Variants in SOX30 observed in about 807,000 individuals in gnomAD.
The protein encoded by SOX30 is SRY-box transcription factor 30.
In SOX30, 17 loss-of-function variants were observed where a neutral mutation model predicts 58.6. That is an observed-to-expected ratio of 0.29 (90% confidence interval 0.20 to 0.44). The LOEUF (loss-of-function observed/expected upper bound fraction) is 0.44. Among genes scored for constraint, SOX30 ranks in the 20% least tolerant of loss-of-function variants. SOX30 has a pLI of 1.00. For synonymous variants in SOX30, 421 were observed against 400.2 expected (o/e 1.05, Z -0.62); for missense variants, 951 against 965.8 (o/e 0.98, Z 0.20).
chr5:157,643,444 T>A (rs1461020144), intron 3 of SOX30, among the ~76,000 whole-genome samples: 1 of 151,874 alleles, frequency 6.6e-6, no homozygotes, highest in Non-Finnish European at 1.5e-5. Flanking sequence ...ATATAAATAT[T>A]AAAAAATTTT....
At chr5:157,648,631 T>C (rs779138554) in intron 2 of SOX30, 26 bp downstream of exon 2, 2 of 1,600,782 alleles carry the variant, frequency 1.2e-6, no homozygotes, top group South Asian at 2.2e-5. Flanking sequence ...TTAAAAGAAG[T>C]AAGAGGCATT....
chr5:157,648,584 T>G, intron 2 of SOX30, 73 bp downstream of exon 2: 2 of 1,433,370 alleles, frequency 1.4e-6, no homozygotes, highest in Non-Finnish European at 1.9e-6. Flanking sequence ...TGTCTTTCAA[T>G]CTCAACCTAC....
chr5:157,649,758 C>T (rs956378560), intron 1 of SOX30, among the ~76,000 whole-genome samples: 1 of 152,128 alleles, frequency 6.6e-6, no homozygotes, highest in African/African-American at 2.4e-5. Context: ...CCACGGTACT[C>T]CAGACTGGGC....
At chr5:157,638,056 C>G (rs1758971987) in intron 4 of SOX30, among the ~76,000 whole-genome samples, 174 bp downstream of exon 4, 1 of 152,006 alleles carries the variant, frequency 6.6e-6, no homozygotes, top group South Asian at 2.1e-4. Flanking sequence ...CCTAGCTACC[C>G]CAGTCCTCAC....
upstream of SOX30, among the ~76,000 whole-genome samples, chr5:157,657,043 A>T (rs540812940): frequency 7.2e-5 from 11 of 152,346 alleles, no homozygotes; most frequent in Admixed American, 5.9e-4. Context: ...TTAAGATTGA[A>T]TACATTTGTC....
intron 2 of SOX30, among the ~76,000 whole-genome samples, chr5:157,648,163 C>G (rs1287134145): frequency 6.6e-6 from 1 of 152,188 alleles, no homozygotes; most frequent in African/African-American, 2.4e-5. Context: ...AGGGAGAAAT[C>G]GGACTCCTTT....
chr5:157,637,128 C>T (rs1282517883), intron 4 of SOX30, among the ~76,000 whole-genome samples: 6 of 135,292 alleles, frequency 4.4e-5, no homozygotes, highest in South Asian at 2.4e-4. Flanking sequence ...AGCAAAACTC[C>T]GCCTCAAAAA....
At chr5:157,670,876 T>C (rs1263082515) in intron 1 of SOX30, among the ~76,000 whole-genome samples, 2 of 152,042 alleles carry the variant, frequency 1.3e-5, no homozygotes, top group African/African-American at 4.8e-5. Context: ...GTGGGAAAAG[T>C]AAACAAAAAC....
At chr5:157,654,454 C>T (rs190202336), upstream of SOX30, among the ~76,000 whole-genome samples, 72 of 152,302 alleles carry the variant, frequency 4.7e-4, 2 homozygotes, top group East Asian at 0.01. Context: ...CCCCATACCA[C>T]ACTTTGAGAA....
intron 1 of SOX30, among the ~76,000 whole-genome samples, chr5:157,668,587 T>C (rs933409723): frequency 5.9e-5 from 9 of 152,138 alleles, no homozygotes; most frequent in African/African-American, 2.2e-4. Context: ...CATCCATCCA[T>C]CCATCCACTC....
At chr5:157,651,003 T>G in intron 1 of SOX30, 109 bp downstream of exon 1, 1 of 816,956 alleles carries the variant, frequency 1.2e-6, no homozygotes, top group South Asian at 1.8e-5. Flanking sequence ...CTGAAAACAA[T>G]CAGTTCCATT....
intron 3 of SOX30, among the ~76,000 whole-genome samples, chr5:157,639,987 G>A (rs1759025253): frequency 6.6e-6 from 1 of 152,342 alleles, no homozygotes; most frequent in Middle Eastern, 3.4e-3. Context: ...GAAACAGGAT[G>A]TAATGATGCT....
At position 157,633,423 on chromosome 5, in the gene SOX30, G is replaced by T. The variant is rs755982019; in HGVS notation, c.1880+4807C>A. ...CACTACAACTAGTTTTTAACTTGTTGATCATTTTGGCACATGGTGAGTTCC... is the reference window on the plus strand; with the variant it reads ...CACTACAACTAGTTTTTAACTTGTTTATCATTTTGGCACATGGTGAGTTCC... On this transcript the variant is annotated intron_variant, in intron 4 of 4. Coordinates refer to ENST00000265007, the MANE Select transcript of SOX30 (RefSeq NM_178424.2). Among the ~76,000 whole-genome samples, 16 of 152,160 alleles carry T rather than the reference G, an allele frequency of 1.1e-4. 1 individual carries two copies. Among genetic ancestry groups the T allele is most frequent in the Admixed American group, 5.2e-4 (8 of 15,278 alleles).
chr5:157,644,886 T>C (rs547032100), intron 3 of SOX30, among the ~76,000 whole-genome samples: 83 of 152,096 alleles, frequency 5.5e-4, no homozygotes, highest in African/African-American at 1.8e-3. Flanking sequence ...GAGGCTGAGG[T>C]GGGAGAACTG....
intron 2 of SOX30, among the ~76,000 whole-genome samples, chr5:157,648,191 G>T (rs1378531607): frequency 6.6e-6 from 1 of 152,140 alleles, no homozygotes; most frequent in Non-Finnish European, 1.5e-5. Flanking sequence ...TATCATGACA[G>T]GGCTAAATCT....
At chr5:157,666,480 C>T (rs1484164224) in intron 2 of SOX30, among the ~76,000 whole-genome samples, 1 of 2,058 alleles carries the variant, frequency 4.9e-4, no homozygotes, top group Non-Finnish European at 1.1e-3. Context: ...GTCCAGTAGA[C>T]ACACACACAC....
chr5:157,652,535 G>T (rs1759387781), upstream of SOX30: 2 of 229,948 alleles, frequency 8.7e-6, no homozygotes, highest in East Asian at 1.8e-4. Flanking sequence ...CACGCGCTCT[G>T]TGCGGCCTGA....
At chr5:157,630,841 A>G (rs1395519208) in intron 4 of SOX30, among the ~76,000 whole-genome samples, 1 of 131,506 alleles carries the variant, frequency 7.6e-6, no homozygotes, top group Non-Finnish European at 1.5e-5. Flanking sequence ...ATATATATAC[A>G]TTATATATAT....
rs546313043 is a variant in SOX30, at chr5:157,631,690, G to A, written c.1881-4969C>T. On this transcript the variant is annotated intron_variant, in intron 4 of 4. Coordinates refer to ENST00000265007, the MANE Select transcript of SOX30 (RefSeq NM_178424.2). ...GCAGGAGAATTGCTTGCTCGAACCC[G>A]GGAGGCTGAGGTTGCAGTGAGCCAA... is the stretch of plus-strand genomic sequence containing the variant. 1.8e-3 allele frequency among the ~76,000 whole-genome samples: 276 copies of A among 151,608 alleles called. 2 individuals carry two copies. Among genetic ancestry groups the A allele is most frequent in the Middle Eastern group, 6.8e-3 (2 of 294 alleles).
Sources: allele counts gnomAD v4.1 joint callset (sites outside exome capture counted in the v4.1 genomes callset), GRCh38; gene constraint gnomAD v4.1.1; transcripts MANE v1.5; gene names NCBI Gene and HGNC (gene_info 2026-07-23, HGNC 2026-07-21).